The following TNXB variants were observed in gnomAD, a reference collection of about 807,000 sequenced individuals.
TNXB encodes tenascin-X.
Under a neutral mutation model 340.5 loss-of-function variants are expected in TNXB, and 183 were observed. The ratio of observed to expected loss-of-function variants is 0.54; its 90% CI spans 0.48 to 0.61. The LOEUF (loss-of-function observed/expected upper bound fraction) is 0.61, where lower values mean the gene tolerates loss of function less well. TNXB is among the 20% of genes least tolerant of loss of function. TNXB has a pLI of 0.00. For missense variants in TNXB, 4,613 were observed against 5,446.4 expected (o/e 0.85, Z 4.82); for synonymous variants, 2,121 against 2,314.5 (o/e 0.92, Z 2.40).
chr6:32,096,584 C>A lies in TNXB; in HGVS notation c.1269G>T (p.Pro423=). 6.3e-7 allele frequency: 1 copy of A among 1,592,214 alleles called. No individual in the cohort carries two copies. ...RCEDGRCVCW[P]GYTGTDCGSR... is the part of the protein sequence containing the mutation. The stretch of plus-strand genomic sequence containing the variant: ...AGCCGCAATCGGTTCCAGTGTACCC[C>A]GGCCAGCACACGCAGCGGCCGTCCT... The change falls in exon 3 of 44, where the codon CCG becomes CCT. Residue 423 remains proline, a synonymous_variant. Coordinates refer to ENST00000644971, the MANE Select transcript of TNXB (RefSeq NM_001365276.2).
intron 13 of TNXB, among the ~76,000 whole-genome samples, chr6:32,071,566 C>T (rs943403671): frequency 1.4e-5 from 2 of 146,656 alleles, no homozygotes; most frequent in Admixed American, 1.4e-4. Context: ...ATCTGCTTTG[C>T]GGCTTTTCTT....
chr6:32,087,630 C>CG lies in TNXB; in HGVS notation c.2779+1154dup. The CG allele has an allele frequency of 3.3e-5, 1 of 30,202 alleles. No individual in the cohort carries two copies. Among genetic ancestry groups the CG allele is most frequent in the Non-Finnish European group, 8.1e-5 (1 of 12,418 alleles). The allele number at this position is 30,202 out of a possible 1,614,324, so 1.9% of individuals were successfully genotyped here. A position where few individuals can be genotyped will look rare whatever the true frequency, so the allele number is the denominator to read the frequency against. ...TGGCGGTGGGGCGGGGGTGGCGGGGCGGGGGTGCGGGGGAGCCGGCTGGGG... is the reference window on the plus strand; with the variant it reads ...TGGCGGTGGGGCGGGGGTGGCGGGGCGGGGGGTGCGGGGGAGCCGGCTGGGG... On this transcript the variant is annotated intron_variant, in intron 6 of 43. Transcript: ENST00000644971. The surrounding 1 kb of genome is among the most constrained non-coding windows in gnomAD (Gnocchi z 9.0).
At position 32,088,838 on chromosome 6, in the gene TNXB, G is replaced by A. The variant is rs777338472; in HGVS notation, c.2726C>T (p.Thr909Ile). The change falls in exon 6 of 44, where the codon ACA becomes ATA. Residue 909 changes from threonine (T) to isoleucine (I), a missense_variant. Coordinates refer to ENST00000644971, the MANE Select transcript of TNXB (RefSeq NM_001365276.2). ...GCTGACTGCCCGGCCCCGCTCCGCT[G>A]TGACAGTCACCACATATTCTACGCC... ...MPGVEYVVTV[T>I]AERGRAVSYP... 3 of 1,583,624 alleles carry A rather than the reference G, an allele frequency of 1.9e-6. No homozygotes were observed. The South Asian group carries it at 3.5e-5, about 18-fold the overall frequency.
intron 11 of TNXB, among the ~76,000 whole-genome samples, chr6:32,078,119 G>T (rs1460861482): frequency 7.1e-6 from 1 of 141,738 alleles, no homozygotes; most frequent in African/African-American, 2.5e-5. Flanking sequence ...AAGAAAGAAA[G>T]AAAGAAAGAA....
chr6:32,050,127 C>A lies in TNXB; in HGVS notation c.9310G>T (p.Val3104Leu), dbSNP rs1200433708. 1.2e-6 allele frequency: 2 copies of A among 1,613,826 alleles called. No homozygotes were observed. The highest frequency in any genetic ancestry group is 1.7e-6 in the Non-Finnish European group (2 of 1,179,890). The change falls in exon 27 of 44, where the codon GTG becomes TTG. Residue 3104 changes from valine to leucine, a missense_variant. By Grantham distance (32) the Val-to-Leu change is conservative. This residue lies in a region of TNXB where 4,327 missense variants were observed against 4,859.4 expected (regional missense o/e 0.89). Coordinates refer to ENST00000644971, the MANE Select transcript of TNXB (RefSeq NM_001365276.2). ...YRNGDGQPKA[V>L]RVPGHEDGVT... ...CCGTCCTCGTGCCCCGGCACCCGCA[C>A]CGCCTTGGGCTGCCCATCCCCATTC... is the stretch of plus-strand genomic sequence containing the variant.
chr6:32,084,785 GC>G lies in TNXB; in HGVS notation c.3149-77del. The G allele has an allele frequency of 7.4e-7, 1 of 1,347,550 alleles. No homozygotes were observed. The highest frequency in any genetic ancestry group is 9.9e-7 in the Non-Finnish European group (1 of 1,010,726). 83.5% of individuals were successfully genotyped at this position (1,347,550 alleles called of 1,614,324 possible). On this transcript the variant is annotated intron_variant, in intron 7 of 43. Transcript: ENST00000644971. This position sits in a 1 kb window ranked among gnomAD's most constrained non-coding sequence, Gnocchi z 5.5. ...GTCTGTGTCTCCTTCCCTCTCCCCTGCCCACCTCACTCCATCCTGGATAGAT... is the reference window on the plus strand; with the variant it reads ...GTCTGTGTCTCCTTCCCTCTCCCCTGCCACCTCACTCCATCCTGGATAGAT...
rs926972945 is a variant in TNXB at position 32,064,292 on chromosome 6, A to C, written c.6841+529T>G. ...CAGTGGCTCGATCTCGGCTCACTGC[A>C]ACCTCCGCCTCCTGGGTTCAAGCGA... is the stretch of plus-strand genomic sequence containing the variant. On this transcript the variant is annotated intron_variant, in intron 19 of 43. Coordinates refer to ENST00000644971, the MANE Select transcript of TNXB (RefSeq NM_001365276.2). This position sits in a 1 kb window ranked among gnomAD's most constrained non-coding sequence, Gnocchi z 5.3. 1.3e-5 allele frequency among the ~76,000 whole-genome samples: 2 copies of C among 152,134 alleles called. No homozygotes were observed. Among genetic ancestry groups the C allele is most frequent in the Non-Finnish European group, 2.9e-5 (2 of 68,028 alleles).
chr6:32,105,978 TCTTA>T (rs1411821718), intron 1 of TNXB, among the ~76,000 whole-genome samples: 1 of 152,070 alleles, frequency 6.6e-6, no homozygotes, highest in Non-Finnish European at 1.5e-5. Context: ...GTGTGATGGA[TCTTA>T]CTAAGATGAT....
chr6:32,105,599 G>A (rs1315737535), intron 1 of TNXB, among the ~76,000 whole-genome samples: 1 of 152,164 alleles, frequency 6.6e-6, no homozygotes, highest in Non-Finnish European at 1.5e-5. Flanking sequence ...TAGCATTAAG[G>A]CTGGAACCAA....
Position 32,056,723 on chromosome 6 carries a change from G to A in TNXB, c.8006C>T (p.Pro2669Leu), listed in dbSNP as rs1777676178. 6.2e-7 allele frequency: 1 copy of A among 1,613,204 alleles called. No homozygotes were observed. The highest frequency in any genetic ancestry group is 8.5e-7 in the Non-Finnish European group (1 of 1,179,864). Reference sequence around the variant, plus strand: ...GTGCCCCGGCACCCGCACCGCCTTGGGCTGCCCATCCCCATTCCTGTACTG... The same window carrying A: ...GTGCCCCGGCACCCGCACCGCCTTGAGCTGCCCATCCCCATTCCTGTACTG... ...LVQYRNGDGQPKAVRVPGHED... is the reference protein window; with the variant it reads ...LVQYRNGDGQLKAVRVPGHED... Residue 2669 changes from proline to leucine, a missense_variant, in exon 23 of 44, where the codon CCC becomes CTC. This residue lies in a region of TNXB where 4,327 missense variants were observed against 4,859.4 expected (regional missense o/e 0.89). Transcript: ENST00000644971.
In TNXB at chr6:32,048,354, C is replaced by T; in HGVS notation, c.10045+9G>A. The stretch of plus-strand genomic sequence containing the variant: ...CTCTGGCCGCGGGAGGCCTCCAGCC[C>T]TCACTCACCGGTCCTGGCCTCCACA... On this transcript the variant is annotated intron_variant, in intron 29 of 43. Coordinates refer to ENST00000644971, the MANE Select transcript of TNXB (RefSeq NM_001365276.2). 6.8e-7 allele frequency: 1 copy of T among 1,477,262 alleles called. No homozygotes were observed. The highest frequency in any genetic ancestry group is 9.0e-7 in the Non-Finnish European group (1 of 1,111,868). The allele number at this position is 1,477,262 out of a possible 1,614,324, so 91.5% of individuals were successfully genotyped here. A position where few individuals can be genotyped will look rare whatever the true frequency, so the allele number is the denominator to read the frequency against.
chr6:32,071,999 C>T lies in TNXB; in HGVS notation c.4981G>A (p.Ala1661Thr). 6.2e-7 allele frequency: 1 copy of T among 1,600,462 alleles called. No homozygotes were observed. The highest frequency in any genetic ancestry group is 8.5e-7 in the Non-Finnish European group (1 of 1,172,270). The change falls in exon 13 of 44, where the codon GCA (alanine) becomes ACA (threonine). Residue 1661 changes from alanine (A) to threonine (T), a missense_variant. Physicochemically the swap from Ala to Thr is moderately conservative, Grantham distance 58 (BLOSUM62 0). Around this residue, in one of 7 missense-constraint regions of TNXB, gnomAD observed 4,327 missense variants for 4,859.4 expected, o/e 0.89. Coordinates refer to ENST00000644971, the MANE Select transcript of TNXB (RefSeq NM_001365276.2). ...GKRRSPVSVE[A>T]KTVARGDASP... is the part of the protein sequence containing the mutation. ...TAGGGGCCCATCTCACCCGTCTTTGCCTCCACAGAGACTGGGCTGCGTCGT... is the reference window on the plus strand; with the variant it reads ...TAGGGGCCCATCTCACCCGTCTTTGTCTCCACAGAGACTGGGCTGCGTCGT...
chr6:32,069,270 G>T lies in TNXB; in HGVS notation c.5588-134C>A. ...AGACCAGCTTTTGCTGCACATGGGT[G>T]AATTTCAAAAGCATTGTGCTAATTG... On this transcript the variant is annotated intron_variant, in intron 15 of 43. Transcript: ENST00000644971. This position sits in a 1 kb window ranked among gnomAD's most constrained non-coding sequence, Gnocchi z 6.2. 1 of 929,656 alleles carries T rather than the reference G, an allele frequency of 1.1e-6. No homozygotes were observed. The highest frequency in any genetic ancestry group is 1.6e-6 in the Non-Finnish European group (1 of 637,672). The allele number at this position is 929,656 out of a possible 1,614,324, so 57.6% of individuals were successfully genotyped here. A position where few individuals can be genotyped will look rare whatever the true frequency, so the allele number is the denominator to read the frequency against.
rs1171499751 is a variant in TNXB, at chr6:32,052,284, A to C, written c.9115+386T>G. Among the ~76,000 whole-genome samples, 3 of 152,082 alleles carry C rather than the reference A, an allele frequency of 2.0e-5. No homozygotes were observed. The highest frequency in any genetic ancestry group is 4.4e-5 in the Non-Finnish European group (3 of 68,002). ...GGCTAACACGGTGAAACCCATCTCT[A>C]CTAAAAATATGAAAAAATTAGCTGG... On this transcript the variant is annotated intron_variant, in intron 26 of 43. Transcript: ENST00000644971. This position sits in a 1 kb window ranked among gnomAD's most constrained non-coding sequence, Gnocchi z 4.7.
rs1363414277 is a variant in TNXB at position 32,053,539 on chromosome 6, A to C, written c.8640T>G (p.Asn2880Lys). 1 of 1,613,618 alleles carries C rather than the reference A, an allele frequency of 6.2e-7. No homozygotes were observed. The highest frequency in any genetic ancestry group is 1.1e-5 in the South Asian group (1 of 91,074). Residue 2880 changes from asparagine (N) to lysine (K), a missense_variant, in exon 25 of 44, where the codon AAT becomes AAG. Coordinates refer to ENST00000644971, the MANE Select transcript of TNXB (RefSeq NM_001365276.2). ...GCACCACCTTGGGCTGCCCATCCCC[A>C]TTCCTGTACTGGACCAGGAAGTGGT... ...QFDHFLVQYR[N>K]GDGQPKVVRV... is the part of the protein sequence containing the mutation.
At chr6:32,102,504 G>C (rs1368924310) in intron 1 of TNXB, among the ~76,000 whole-genome samples, 1 of 152,118 alleles carries the variant, frequency 6.6e-6, no homozygotes, top group Admixed American at 6.5e-5. Context: ...ACATAGTGCT[G>C]AGTAAAAAAT....
intron 11 of TNXB, among the ~76,000 whole-genome samples, chr6:32,076,988 AT>A (rs1779116914): frequency 6.6e-6 from 1 of 152,220 alleles, no homozygotes; most frequent in Non-Finnish European, 1.5e-5. Context: ...TCTCAAAAAA[AT>A]AATAATAAAA....
Position 32,088,849 on chromosome 6 carries a change from C to A in TNXB, c.2715G>T (p.Val905=). 6.3e-7 allele frequency: 1 copy of A among 1,584,138 alleles called. No homozygotes were observed. The highest frequency in any genetic ancestry group is 2.3e-5 in the East Asian group (1 of 43,574). ...GGCCCCGCTCCGCTGTGACAGTCAC[C>A]ACATATTCTACGCCTGGCATCAGGT... ...LTDLMPGVEY[V]VTVTAERGRA... The change falls in exon 6 of 44, where the codon GTG becomes GTT. Residue 905 remains valine, a synonymous_variant. Coordinates refer to ENST00000644971, the MANE Select transcript of TNXB (RefSeq NM_001365276.2).
Position 32,096,872 on chromosome 6 carries a change from C to A in TNXB, c.981G>T (p.Val327=), listed in dbSNP as rs1359020720. The part of the protein sequence containing the change: ...QRGRCKDGRC[V]CDPGYTGEDC... ...CCTCGCCAGTGTAGCCGGGGTCACA[C>A]ACGCAGCGCCCGTCCTTGCAGCGTC... Residue 327 remains valine (V), a synonymous_variant, in exon 3 of 44, where the codon GTG becomes GTT. Transcript: ENST00000644971. The A allele has an allele frequency of 1.2e-5, 20 of 1,608,530 alleles. No homozygotes were observed. Among genetic ancestry groups the A allele is most frequent in the Non-Finnish European group, 1.5e-5 (18 of 1,177,778 alleles).
Sources: gnomAD v4.1 joint callset for allele counts (sites outside exome capture counted in the v4.1 genomes callset) on GRCh38, gnomAD v4.1.1 for gene constraint, gnomAD v4.1.1 regional missense constraint, Gnocchi (gnomAD v3.1) non-coding constraint, MANE v1.5 for transcripts, NCBI Gene and HGNC (gene_info 2026-07-23, HGNC 2026-07-21) for gene names.